Variants in CUX1 observed in about 807,000 individuals in gnomAD.
CUX1 encodes the protein protein CASP.
In CUX1, 31 loss-of-function variants were observed where a neutral mutation model predicts 158.8. The observed-to-expected ratio is 0.20, with a 90% CI of 0.15 to 0.26. The LOEUF (loss-of-function observed/expected upper bound fraction) is 0.26. Among genes scored for constraint, CUX1 ranks in the 10% least tolerant of loss-of-function variants. The probability of loss-of-function intolerance (pLI) is 1.00; values close to 1 mark genes in which losing one functional copy is unlikely to be tolerated. For missense variants in CUX1, 1,589 were observed against 2,014.6 expected (o/e 0.79, Z 4.04); for synonymous variants, 879 against 862.1 (o/e 1.02, Z -0.34).
Position 101,869,262 on chromosome 7 carries a change from ACT to A in CUX1, c.31-46852_31-46851del, listed in dbSNP as rs1185777704. Among the ~76,000 whole-genome samples the A allele has an allele frequency of 6.6e-6, 1 of 152,132 alleles. No individual in the cohort carries two copies. Among genetic ancestry groups the A allele is most frequent in the Non-Finnish European group, 1.5e-5 (1 of 68,024 alleles). ...AGCCCCGGCTGGCGAGAGGAGCATC[ACT>A]GTGTCCAGAGGACGCGGTGCCTTTC... On this transcript the variant is annotated intron_variant, in intron 1 of 23. Coordinates refer to ENST00000292535, the MANE Select transcript of CUX1 (RefSeq NM_181552.4). The surrounding 1 kb of genome is among the most constrained non-coding windows in gnomAD (Gnocchi z 4.5).
chr7:101,858,431 C>T (rs922585424), intron 1 of CUX1, among the ~76,000 whole-genome samples: 2 of 152,124 alleles, frequency 1.3e-5, no homozygotes, highest in Admixed American at 6.6e-5. Context: ...TGGTCCCTCC[C>T]GCCTTCCCTG....
At chr7:102,082,825 G>T (rs1436377514) in intron 4 of CUX1, among the ~76,000 whole-genome samples, 1 of 147,328 alleles carries the variant, frequency 6.8e-6, no homozygotes, top group African/African-American at 2.4e-5. Context: ...CCACTGTGTG[G>T]ATATATACCA....
At chr7:102,070,112 G>A (rs1825966948) in intron 3 of CUX1, among the ~76,000 whole-genome samples, 1 of 152,136 alleles carries the variant, frequency 6.6e-6, no homozygotes, top group Non-Finnish European at 1.5e-5. Context: ...AGTGTTCCCT[G>A]CTGTATAGTG....
At chr7:101,861,540 C>T (rs1797456342) in intron 1 of CUX1, among the ~76,000 whole-genome samples, 1 of 146,992 alleles carries the variant, frequency 6.8e-6, no homozygotes, top group Non-Finnish European at 1.5e-5. Flanking sequence ...TGGTTGGCCC[C>T]CTGGGTGCCC....
intron 2 of CUX1, among the ~76,000 whole-genome samples, chr7:101,917,600 A>T (rs1038039434): frequency 6.6e-6 from 1 of 152,042 alleles, no homozygotes; most frequent in African/African-American, 2.4e-5. Flanking sequence ...AAACAGGAGG[A>T]AAAAAAGAGC....
At chr7:101,904,329 C>T (rs1018925071) in intron 1 of CUX1, among the ~76,000 whole-genome samples, 3 of 152,072 alleles carry the variant, frequency 2.0e-5, no homozygotes, top group Non-Finnish European at 4.4e-5. Context: ...TGTTTATATA[C>T]TGAGAAATTT....
chr7:102,245,086 A>G (rs1800663118), intron 23 of CUX1, among the ~76,000 whole-genome samples: 1 of 152,160 alleles, frequency 6.6e-6, no homozygotes, highest in African/African-American at 2.4e-5. Flanking sequence ...TCTGTCGCCG[A>G]GGCTGGAGTG....
chr7:102,115,054 A>G (rs887056354), intron 7 of CUX1, among the ~76,000 whole-genome samples, 153 bp from the exon 8 acceptor site: 19 of 152,120 alleles, frequency 1.2e-4, no homozygotes, highest in Middle Eastern at 6.3e-3. Flanking sequence ...TATTTTCATC[A>G]TCTTGGCCTC....
intron 2 of CUX1, among the ~76,000 whole-genome samples, chr7:101,943,981 A>T (rs1808054052): frequency 6.6e-6 from 1 of 152,030 alleles, no homozygotes; most frequent in South Asian, 2.1e-4. Flanking sequence ...AAAAAAAAAA[A>T]AAGACAACTT....
intron 23 of CUX1, 110 bp downstream of exon 23, chr7:102,239,694 T>G: frequency 7.6e-7 from 1 of 1,314,410 alleles, no homozygotes; most frequent in Non-Finnish European, 1.0e-6. Flanking sequence ...GGTGGGGCGC[T>G]GGGAGCTCGG....
intron 2 of CUX1, among the ~76,000 whole-genome samples, chr7:102,004,218 A>T (rs2085203953): frequency 6.6e-6 from 1 of 152,200 alleles, no homozygotes; most frequent in Non-Finnish European, 1.5e-5. Flanking sequence ...TGCGATGCCA[A>T]GCAGGCTTCC....
At chr7:101,970,476 T>C (rs1811816530) in intron 2 of CUX1, among the ~76,000 whole-genome samples, 1 of 152,082 alleles carries the variant, frequency 6.6e-6, no homozygotes, top group African/African-American at 2.4e-5. Context: ...CACCCCAGGA[T>C]TGCAGAACCT....
intron 4 of CUX1, among the ~76,000 whole-genome samples, chr7:102,091,874 G>C (rs1007398114): frequency 1.3e-5 from 2 of 152,110 alleles, no homozygotes; most frequent in African/African-American, 4.8e-5. Flanking sequence ...TCCTGCCTCA[G>C]CCTCCCAAAT....
intron 20 of CUX1, among the ~76,000 whole-genome samples, chr7:102,216,736 C>A (rs1797225463): frequency 7.4e-6 from 1 of 135,948 alleles, no homozygotes; most frequent in South Asian, 2.5e-4. Flanking sequence ...ACACAGAGTC[C>A]CACACACACT....
Position 102,250,081 on chromosome 7 carries a change from A to T in CUX1, c.*1039A>T. 1.0e-6 allele frequency: 1 copy of T among 984,822 alleles called. No individual in the cohort carries two copies. Among genetic ancestry groups the T allele is most frequent in the African/African-American group, 1.7e-5 (1 of 57,260 alleles). The allele number at this position is 984,822 out of a possible 1,614,324, so 61.0% of individuals were successfully genotyped here. On this transcript the variant is annotated 3_prime_UTR_variant, in exon 24 of 24. Coordinates refer to ENST00000292535, the MANE Select transcript of CUX1 (RefSeq NM_181552.4). ...AAAAAAGAAAAAAAAAAAAGAAAAG[A>T]TCCGAATCTAGGTATTTTATAATCT...
At chr7:102,208,249 TG>T (rs1796147404) in intron 20 of CUX1, among the ~76,000 whole-genome samples, 1 of 152,068 alleles carries the variant, frequency 6.6e-6, no homozygotes, top group Non-Finnish European at 1.5e-5. Context: ...TGTGTGTGTG[TG>T]TGTGTGTCTG....
At chr7:101,934,794 G>A (rs185821969) in intron 2 of CUX1, among the ~76,000 whole-genome samples, 14 of 152,212 alleles carry the variant, frequency 9.2e-5, no homozygotes, top group Non-Finnish European at 5.9e-5. Context: ...GGTGTTTATC[G>A]CCTTGAAGAT....
chr7:102,102,015 A>G (rs972956661), intron 5 of CUX1, among the ~76,000 whole-genome samples: 1 of 151,994 alleles, frequency 6.6e-6, no homozygotes, highest in Non-Finnish European at 1.5e-5. Flanking sequence ...ACCTGTCTGG[A>G]GTCCATTCTG....
chr7:102,230,067 T>C (rs1798798332), intron 21 of CUX1, among the ~76,000 whole-genome samples: 2 of 152,172 alleles, frequency 1.3e-5, no homozygotes, highest in African/African-American at 4.8e-5. Flanking sequence ...GGGGCAGTGT[T>C]CTCTGCAGAG....
Sources: gnomAD v4.1 joint callset for allele counts (sites outside exome capture counted in the v4.1 genomes callset) on GRCh38, gnomAD v4.1.1 for gene constraint, Gnocchi (gnomAD v3.1) non-coding constraint, MANE v1.5 for transcripts, NCBI Gene and HGNC (gene_info 2026-07-23, HGNC 2026-07-21) for gene names.